PRMT3: variants seen among roughly 807,000 people sequenced by gnomAD.
PRMT3 encodes protein arginine methyltransferase 3, also known as protein arginine N-methyltransferase 3.
In PRMT3, 62 loss-of-function variants were observed where a neutral mutation model predicts 71.9. That is an observed-to-expected ratio of 0.86 (90% CI 0.70 to 1.07). The LOEUF (loss-of-function observed/expected upper bound fraction) is 1.07. Among genes scored for constraint, PRMT3 ranks in the 50% least tolerant of loss-of-function variants. The pLI is 0.00. For synonymous variants in PRMT3, 213 were observed against 220.4 expected, an observed-to-expected ratio of 0.97 and a Z score of 0.30; for missense variants, 663 against 643.0, an observed-to-expected ratio of 1.03 and a Z score of -0.34.
At chr11:20,477,097 G>A (rs1850808996) in intron 13 of PRMT3, among the ~76,000 whole-genome samples, 1 of 152,148 alleles carries the variant, frequency 6.6e-6, no homozygotes, top group African/African-American at 2.4e-5. Flanking sequence ...ATAAAGCTGA[G>A]TTTATGGTTT....
Position 20,464,527 on chromosome 11 carries a change from C to G in PRMT3, c.1328C>G (p.Thr443Arg). The change falls in exon 13 of 16, where the codon ACA (threonine) becomes AGA (arginine). Residue 443 changes from threonine (T) to arginine (R), a missense_variant. Coordinates refer to ENST00000331079, the MANE Select transcript of PRMT3 (RefSeq NM_005788.4). ...TCATCAGATTTTACCCTGAAAATCA[C>G]AAGGACATCCATGTGCACGGTAAGC... ...EFSSDFTLKI[T>R]RTSMCTAIAG... is the part of the protein sequence containing the mutation. 6.2e-7 allele frequency: 1 copy of G among 1,611,914 alleles called. No homozygotes were observed. Among genetic ancestry groups the G allele is most frequent in the East Asian group, 2.2e-5 (1 of 44,708 alleles).
chr11:20,451,810 G>A (rs1449904576), intron 10 of PRMT3, among the ~76,000 whole-genome samples: 1 of 152,052 alleles, frequency 6.6e-6, no homozygotes, highest in Non-Finnish European at 1.5e-5. Flanking sequence ...CATCATTCCA[G>A]GGAGTTATAG....
At chr11:20,397,392 T>G (rs1848848787) in intron 6 of PRMT3, among the ~76,000 whole-genome samples, 185 bp from the exon 7 acceptor site, 1 of 152,208 alleles carries the variant, frequency 6.6e-6, no homozygotes. Context: ...TATGTATAAT[T>G]GTTTCTGAAT....
Position 20,494,357 on chromosome 11 carries a change from G to C in PRMT3, c.1486+103G>C. The stretch of plus-strand genomic sequence containing the variant: ...TATGTGCACACTATATTTGTTTTTT[G>C]AGACGGAGTCTCGCTGTCTCACCCA... On this transcript the variant is annotated intron_variant, in intron 15 of 15. Coordinates refer to ENST00000331079, the MANE Select transcript of PRMT3 (RefSeq NM_005788.4). The C allele has an allele frequency of 3.9e-6, 4 of 1,028,836 alleles. No individual in the cohort carries two copies. In the South Asian group the frequency reaches 6.0e-5, roughly 15 times the overall value. 63.7% of individuals were successfully genotyped at this position (1,028,836 alleles called of 1,614,324 possible).
At chr11:20,391,107 A>G (rs1474293438) in intron 3 of PRMT3, among the ~76,000 whole-genome samples, 1 of 150,670 alleles carries the variant, frequency 6.6e-6, no homozygotes, top group African/African-American at 2.5e-5. Flanking sequence ...CTAAGAAGGG[A>G]CATTACTGAA....
Position 20,448,604 on chromosome 11 carries a change from TA to T in PRMT3, c.994-3525del, listed in dbSNP as rs568124920. 3.6e-3 allele frequency among the ~76,000 whole-genome samples: 548 copies of T among 152,176 alleles called. 2 individuals are homozygous for T. The highest frequency in any genetic ancestry group is 5.9e-3 in the Non-Finnish European group (402 of 67,984). ...AATAGTTAAATTTTGCCTAGAGATG[TA>T]TCAGTAATTCAGTTATTTGAACTAA... On this transcript the variant is annotated intron_variant, in intron 10 of 15. Transcript: ENST00000331079.
At chr11:20,418,518 T>C (rs1349146977) in intron 9 of PRMT3, among the ~76,000 whole-genome samples, 1 of 152,232 alleles carries the variant, frequency 6.6e-6, no homozygotes. Context: ...CTGATACAAA[T>C]AGGTTTATAA....
chr11:20,494,926 A>G (rs908179849), intron 15 of PRMT3, among the ~76,000 whole-genome samples: 4 of 152,156 alleles, frequency 2.6e-5, no homozygotes, highest in African/African-American at 4.8e-5. Context: ...GTTAAAGACA[A>G]TTTCATTCAG....
At chr11:20,494,798 A>G (rs7927653) in intron 15 of PRMT3, among the ~76,000 whole-genome samples, 120,249 of 152,128 alleles carry the variant, frequency 0.79, 49,037 homozygotes, top group Non-Finnish European at 0.91. Flanking sequence ...CTCTTAAAGT[A>G]TCACAAAATA....
At chr11:20,489,103 G>A (rs1440436228) in intron 13 of PRMT3, among the ~76,000 whole-genome samples, 1 of 152,124 alleles carries the variant, frequency 6.6e-6, no homozygotes, top group Non-Finnish European at 1.5e-5. Context: ...CTATGTATAC[G>A]TAGTTTCCTT....
intron 10 of PRMT3, among the ~76,000 whole-genome samples, chr11:20,450,572 G>A (rs1053128612): frequency 2.6e-5 from 4 of 152,034 alleles, no homozygotes; most frequent in Non-Finnish European, 4.4e-5. Context: ...TTTTCCTAAT[G>A]TAACATATTG....
At chr11:20,413,756 G>A (rs1013821480) in intron 9 of PRMT3, among the ~76,000 whole-genome samples, 7 of 151,924 alleles carry the variant, frequency 4.6e-5, no homozygotes, top group African/African-American at 7.3e-5. Flanking sequence ...AGCTTTAGTC[G>A]TACTCTGTAC....
chr11:20,409,111 T>A (rs1415500115), intron 9 of PRMT3, among the ~76,000 whole-genome samples: 1 of 152,128 alleles, frequency 6.6e-6, no homozygotes, highest in Admixed American at 6.6e-5. Flanking sequence ...AAAAATTTTT[T>A]AAATTTGATT....
chr11:20,405,042 T>G (rs1849041040), intron 8 of PRMT3, among the ~76,000 whole-genome samples: 4 of 152,212 alleles, frequency 2.6e-5, no homozygotes, highest in Admixed American at 1.3e-4. Context: ...CATCAAGATA[T>G]TAAATATTTT....
At chr11:20,461,654 C>G (rs2133400876) in intron 11 of PRMT3, among the ~76,000 whole-genome samples, 1 of 152,160 alleles carries the variant, frequency 6.6e-6, no homozygotes, top group African/African-American at 2.4e-5. Flanking sequence ...AAGTAAAGAT[C>G]TAGTACCTTT....
chr11:20,508,719 G>A lies in PRMT3; in HGVS notation c.*306G>A, dbSNP rs1259766397. ...AATCATTTACATTGGCCTATATTTGGAAGAGAGATAGTCTTTTGTTTTTAA... is the reference window on the plus strand; with the variant it reads ...AATCATTTACATTGGCCTATATTTGAAAGAGAGATAGTCTTTTGTTTTTAA... On this transcript the variant is annotated 3_prime_UTR_variant, in exon 16 of 16. Transcript: ENST00000331079. 3 of 398,254 alleles carry A rather than the reference G, an allele frequency of 7.5e-6. No homozygotes were observed. The highest frequency in any genetic ancestry group is 1.2e-4 in the East Asian group (2 of 17,340). 24.7% of individuals were successfully genotyped at this position (398,254 alleles called of 1,614,324 possible). A position where few individuals can be genotyped will look rare whatever the true frequency, so the allele number is the denominator to read the frequency against.
intron 9 of PRMT3, among the ~76,000 whole-genome samples, chr11:20,409,587 C>T (rs1722875708): frequency 1.3e-5 from 2 of 150,984 alleles, no homozygotes; most frequent in Admixed American, 1.3e-4. Context: ...GGAAAAATTG[C>T]CCTGAACTTG....
Position 20,452,182 on chromosome 11 carries a change from A to C in PRMT3, c.1046A>C (p.Asn349Thr), listed in dbSNP as rs1255146260. 5 of 1,610,346 alleles carry C rather than the reference A, an allele frequency of 3.1e-6. No individual in the cohort carries two copies. The highest frequency in any genetic ancestry group is 1.3e-5 in the African/African-American group (1 of 74,800). The change falls in exon 11 of 16, where the codon AAC becomes ACC. Residue 349 changes from asparagine (N) to threonine (T), a missense_variant. Asn to Thr is a moderately conservative substitution (Grantham distance 65, BLOSUM62 0). Transcript: ENST00000331079. ...SMLDSVLYAKNKYLAKGGSVY... is the reference protein window; with the variant it reads ...SMLDSVLYAKTKYLAKGGSVY... ...TTAGATTCTGTCCTTTATGCAAAGA[A>C]CAAATACTTGGCAAAAGGAGGCTCG...
intron 13 of PRMT3, among the ~76,000 whole-genome samples, chr11:20,490,935 T>C (rs1008990676): frequency 6.6e-6 from 1 of 152,196 alleles, no homozygotes; most frequent in African/African-American, 2.4e-5. Flanking sequence ...TCTGTCTAGA[T>C]ATAGAATTTT....
Sources: allele counts gnomAD v4.1 joint callset (sites outside exome capture counted in the v4.1 genomes callset), GRCh38; gene constraint gnomAD v4.1.1; transcripts MANE v1.5; gene names NCBI Gene and HGNC (gene_info 2026-07-23, HGNC 2026-07-21).